Variants in RBFOX1 observed in about 807,000 individuals in gnomAD.
RBFOX1 encodes RNA binding protein fox-1 homolog 1.
A neutral mutation model predicts 57.7 loss-of-function variants in RBFOX1; 8 were observed. The ratio of observed to expected loss-of-function variants is 0.14; its 90% CI spans 0.08 to 0.25. RBFOX1 has a LOEUF of 0.25. Among genes scored for constraint, RBFOX1 ranks in the 10% least tolerant of loss-of-function variants. The pLI, the probability that RBFOX1 is intolerant of heterozygous loss-of-function variation, is 1.00. For missense variants in RBFOX1, 611 were observed against 548.5 expected, an observed-to-expected ratio of 1.11 and a Z score of -1.14; for synonymous variants, 326 against 222.4, an observed-to-expected ratio of 1.47 and a Z score of -4.15.
chr16:7,405,215 C>T (rs2098318664), intron 4 of RBFOX1, among the ~76,000 whole-genome samples: 1 of 152,184 alleles, frequency 6.6e-6, no homozygotes, highest in South Asian at 2.1e-4. Flanking sequence ...TTGTTTTCTG[C>T]TTGGTAAAGT....
intron 4 of RBFOX1, among the ~76,000 whole-genome samples, chr16:7,316,053 T>C (rs2096431434): frequency 2.0e-5 from 3 of 152,232 alleles, no homozygotes; most frequent in African/African-American, 7.2e-5. Context: ...ATTCTGATAG[T>C]TCTTCCTGGC....
At chr16:7,474,792 G>C (rs943130475) in intron 4 of RBFOX1, among the ~76,000 whole-genome samples, 15 of 152,286 alleles carry the variant, frequency 9.8e-5, no homozygotes, top group Non-Finnish European at 1.5e-4. Context: ...TGAGTATAAA[G>C]CGTTCACCAT....
chr16:6,297,990 G>A (rs1376859764), intron 1 of RBFOX1, among the ~76,000 whole-genome samples: 1 of 152,230 alleles, frequency 6.6e-6, no homozygotes, highest in East Asian at 1.9e-4. Flanking sequence ...CTTTCGGGGT[G>A]CTGGAGAAGA....
At chr16:5,533,576 A>T (rs1330728497) in intron 2 of RBFOX1, among the ~76,000 whole-genome samples, 1 of 152,214 alleles carries the variant, frequency 6.6e-6, no homozygotes, top group African/African-American at 2.4e-5. Context: ...GGCTTGGCTG[A>T]AATCCCTCCT....
chr16:6,130,234 A>G (rs914428288), intron 1 of RBFOX1, among the ~76,000 whole-genome samples: 1 of 152,150 alleles, frequency 6.6e-6, no homozygotes, highest in African/African-American at 2.4e-5. Context: ...TACACATGTA[A>G]GATTTATGAC....
At chr16:6,094,166 T>C (rs937918286) in intron 1 of RBFOX1, among the ~76,000 whole-genome samples, 2 of 152,158 alleles carry the variant, frequency 1.3e-5, no homozygotes, top group East Asian at 3.9e-4. Context: ...CAAGGACTCA[T>C]CTGTGTCAGA....
At chr16:7,127,133 G>T (rs1244319361) in intron 4 of RBFOX1, among the ~76,000 whole-genome samples, 1 of 152,032 alleles carries the variant, frequency 6.6e-6, no homozygotes, top group African/African-American at 2.4e-5. Flanking sequence ...AATGGTGGCT[G>T]GTGTTCTACC....
At chr16:6,454,774 C>G (rs768954264) in intron 2 of RBFOX1, among the ~76,000 whole-genome samples, 7 of 151,220 alleles carry the variant, frequency 4.6e-5, no homozygotes, top group Non-Finnish European at 8.8e-5. Context: ...CACACATCTT[C>G]TCTCCCCCTC....
chr16:7,248,718 T>A (rs1567885402), intron 4 of RBFOX1, among the ~76,000 whole-genome samples: 1 of 152,310 alleles, frequency 6.6e-6, no homozygotes, highest in East Asian at 1.9e-4. Context: ...ATGTTATTCA[T>A]CATCCAGAGA....
intron 4 of RBFOX1, among the ~76,000 whole-genome samples, chr16:7,121,157 C>G (rs747916519): frequency 1.3e-5 from 2 of 152,034 alleles, no homozygotes; most frequent in Non-Finnish European, 2.9e-5. Flanking sequence ...CAGCTAATAT[C>G]ATACTTATTG....
At chr16:6,677,002 C>G (rs1425506893) in intron 3 of RBFOX1, among the ~76,000 whole-genome samples, 1 of 152,028 alleles carries the variant, frequency 6.6e-6, no homozygotes. Flanking sequence ...ATGCACAGAT[C>G]CAAAAGACCA....
intron 4 of RBFOX1, among the ~76,000 whole-genome samples, chr16:5,892,713 G>C (rs1430145193): frequency 6.6e-6 from 1 of 152,178 alleles, no homozygotes; most frequent in East Asian, 1.9e-4. Context: ...AAGATATGCA[G>C]CACTCTCAAA....
intron 3 of RBFOX1, among the ~76,000 whole-genome samples, chr16:5,755,567 T>C (rs1256221093): frequency 9.9e-5 from 15 of 152,180 alleles, no homozygotes; most frequent in Admixed American, 9.8e-4. Flanking sequence ...GGGCATCTAT[T>C]TGATCAACTT....
chr16:6,856,593 C>G (rs1468490642), intron 3 of RBFOX1, among the ~76,000 whole-genome samples: 1 of 152,102 alleles, frequency 6.6e-6, no homozygotes, highest in Non-Finnish European at 1.5e-5. Flanking sequence ...CCCTTCAGGC[C>G]ACCGTGGAAT....
chr16:6,104,809 AT>A (rs1295730770), intron 1 of RBFOX1, among the ~76,000 whole-genome samples: 1 of 152,254 alleles, frequency 6.6e-6, no homozygotes, highest in South Asian at 2.1e-4. Flanking sequence ...TTATGCACAT[AT>A]TATGCAAAGT....
chr16:6,825,337 G>T (rs565587492), intron 3 of RBFOX1, among the ~76,000 whole-genome samples: 1 of 151,480 alleles, frequency 6.6e-6, no homozygotes, highest in Non-Finnish European at 1.5e-5. Flanking sequence ...AAAATGGCTG[G>T]TGTTGAGAAT....
chr16:5,286,114 A>T (rs1257310105), intron 1 of RBFOX1, among the ~76,000 whole-genome samples: 3 of 152,086 alleles, frequency 2.0e-5, no homozygotes, highest in African/African-American at 7.2e-5. Flanking sequence ...TTTGCTGAGG[A>T]TGGGGATGCC....
chr16:6,835,438 G>T (rs1350145868), intron 3 of RBFOX1, among the ~76,000 whole-genome samples: 1 of 152,048 alleles, frequency 6.6e-6, no homozygotes, highest in African/African-American at 2.4e-5. Flanking sequence ...CCAAATCTCA[G>T]TGCCTTAACA....
At chr16:6,668,770 A>C (rs1346408459) in intron 3 of RBFOX1, among the ~76,000 whole-genome samples, 3 of 151,800 alleles carry the variant, frequency 2.0e-5, no homozygotes. Flanking sequence ...ATCATTATTT[A>C]TAGCTATTAT....
Sources: gnomAD v4.1 joint callset for allele counts (sites outside exome capture counted in the v4.1 genomes callset) on GRCh38, gnomAD v4.1.1 for gene constraint, MANE v1.5 for transcripts, NCBI Gene and HGNC (gene_info 2026-07-23, HGNC 2026-07-21) for gene names.